Variants in FSIP2 observed in about 807,000 individuals in gnomAD.
FSIP2 encodes the protein fibrous sheath-interacting protein 2.
FSIP2 carries 367 observed loss-of-function variants against 510.5 expected under a neutral mutation model. That is an observed-to-expected ratio of 0.72 (90% confidence interval 0.66 to 0.78). FSIP2 has a LOEUF of 0.78. Among genes scored for constraint, FSIP2 ranks in the 30% least tolerant of loss-of-function variants. FSIP2 has a pLI of 0.00. For missense variants in FSIP2, 7,594 were observed against 7,901.7 expected (o/e 0.96, Z 1.48); for synonymous variants, 2,601 against 2,732.2 (o/e 0.95, Z 1.50).
At chr2:185,755,945 T>G (rs777856249) in intron 8 of FSIP2, among the ~76,000 whole-genome samples, 1 of 151,506 alleles carries the variant, frequency 6.6e-6, no homozygotes, top group African/African-American at 2.4e-5. Flanking sequence ...CAGGTGCAGA[T>G]TTCCTTTTCT....
chr2:185,780,769 AATTTATTGTTGGGGATTCAATAAT>A (rs1692833254), intron 13 of FSIP2, among the ~76,000 whole-genome samples: 1 of 152,118 alleles, frequency 6.6e-6, no homozygotes, highest in African/African-American at 2.4e-5. Flanking sequence ...TTTTGACAGA[AATTTATTGTTGGGGATTCAATAAT>A]ATTTGGATAG....
intron 2 of FSIP2, among the ~76,000 whole-genome samples, chr2:185,741,725 T>A (rs1479935288): frequency 1.3e-5 from 2 of 152,218 alleles, no homozygotes; most frequent in Non-Finnish European, 1.5e-5. Flanking sequence ...ATTAGGCTCC[T>A]TGGAAGGAAT....
intron 13 of FSIP2, 25 bp from the exon 14 acceptor site, chr2:185,782,680 G>T (rs1457304360): frequency 1.4e-6 from 2 of 1,412,870 alleles, no homozygotes; most frequent in Admixed American, 3.9e-5. Context: ...TACAAACTAT[G>T]TAATTTTATT....
Position 185,794,718 on chromosome 2 carries a change from A to C in FSIP2, c.7582A>C (p.Lys2528Gln), listed in dbSNP as rs1005070767. The C allele has an allele frequency of 6.5e-7, 1 of 1,534,068 alleles. No individual in the cohort carries two copies. Among genetic ancestry groups the C allele is most frequent in the African/African-American group, 1.4e-5 (1 of 72,894 alleles). The change falls in exon 16 of 23, where the codon AAA becomes CAA. Residue 2528 changes from lysine (K) to glutamine (Q), a missense_variant. Physicochemically the swap from Lys to Gln is moderately conservative, Grantham distance 53 (BLOSUM62 1). Transcript: ENST00000424728. ...SKIKTSDTTQKNSFQSHINSV... is the reference protein window; with the variant it reads ...SKIKTSDTTQQNSFQSHINSV... ...GATTAAAACATCAGACACAACACAG[A>C]AAAACAGTTTTCAATCACATATTAA...
At chr2:185,767,242 G>A (rs1345795988) in intron 13 of FSIP2, among the ~76,000 whole-genome samples, 10 of 148,500 alleles carry the variant, frequency 6.7e-5, no homozygotes, top group South Asian at 4.3e-4. Context: ...TGGGTGCAGC[G>A]CACCAGCATG....
chr2:185,746,817 G>C lies in FSIP2; in HGVS notation c.759+7G>C, dbSNP rs1010980115. On this transcript the variant is annotated splice_region_variant and intron_variant, in intron 6 of 22. Transcript: ENST00000424728. ...TCGTAGAAAAATAGAAGAGGTGAGAGACAACAACTTTAAAATATTAACAGA... is the reference window on the plus strand; with the variant it reads ...TCGTAGAAAAATAGAAGAGGTGAGACACAACAACTTTAAAATATTAACAGA... 6.0e-6 allele frequency: 9 copies of C among 1,492,504 alleles called. No individual in the cohort carries two copies. In the Admixed American group the frequency reaches 7.5e-5, roughly 12 times the overall value. The allele number at this position is 1,492,504 out of a possible 1,614,324, so 92.5% of individuals were successfully genotyped here.
rs928455162 is a variant in FSIP2, at chr2:185,815,618, A to G, written c.20426+147A>G. ...TTCCCTTCAGTGGCACCCTACTGTG[A>G]ATAATTCCAAAGCCACTTCTTGCTA... is the stretch of plus-strand genomic sequence containing the variant. On this transcript the variant is annotated intron_variant, in intron 19 of 22. Coordinates refer to ENST00000424728, the MANE Select transcript of FSIP2 (RefSeq NM_173651.4). The G allele has an allele frequency of 2.7e-5, 13 of 484,886 alleles. No homozygotes were observed. In the East Asian group the frequency reaches 3.9e-4, roughly 14 times the overall value. The allele number at this position is 484,886 out of a possible 1,614,324, so 30.0% of individuals were successfully genotyped here. A position where few individuals can be genotyped will look rare whatever the true frequency, so the allele number is the denominator to read the frequency against.
At position 185,795,977 on chromosome 2, in the gene FSIP2, C is replaced by A. The variant is rs1693263058; in HGVS notation, c.8841C>A (p.Asn2947Lys). ...CAGATAGTGAAGAAACTCTATCAAA[C>A]AGTAAAGAACACATTACTGCTAAAA... The part of the protein sequence containing the change: ...PTPDSEETLS[N>K]SKEHITAKSK... Residue 2947 changes from asparagine to lysine, a missense_variant, in exon 16 of 23, where the codon AAC becomes AAA. Physicochemically the swap from Asn to Lys is moderately conservative, Grantham distance 94. Coordinates refer to ENST00000424728, the MANE Select transcript of FSIP2 (RefSeq NM_173651.4). 2.0e-6 allele frequency: 3 copies of A among 1,534,708 alleles called. No homozygotes were observed. The East Asian group carries it at 7.4e-5, about 38-fold the overall frequency.
chr2:185,767,715 A>T (rs778741698), intron 13 of FSIP2, among the ~76,000 whole-genome samples: 4 of 152,176 alleles, frequency 2.6e-5, no homozygotes, highest in Non-Finnish European at 5.9e-5. Context: ...TTAGACAGAT[A>T]GATCTATCTC....
intron 20 of FSIP2, among the ~76,000 whole-genome samples, 183 bp from the exon 21 acceptor site, chr2:185,827,973 T>C (rs1455886249): frequency 1.3e-5 from 2 of 151,864 alleles, no homozygotes; most frequent in Non-Finnish European, 2.9e-5. Flanking sequence ...CCCAATATTC[T>C]AGGGCTCTCA....
upstream of FSIP2, among the ~76,000 whole-genome samples, chr2:185,737,338 G>A (rs533119677): frequency 1.0e-3 from 154 of 152,162 alleles, no homozygotes; most frequent in Middle Eastern, 3.2e-3. Flanking sequence ...GAGGGCAGTT[G>A]GGAGTTTAAA....
rs1559026513 is a variant in FSIP2, at chr2:185,791,587, C to A, written c.4451C>A (p.Ser1484Tyr). 4.6e-6 allele frequency: 7 copies of A among 1,534,182 alleles called. No homozygotes were observed. The highest frequency in any genetic ancestry group is 5.2e-6 in the Non-Finnish European group (6 of 1,145,566). Residue 1484 changes from serine to tyrosine, a missense_variant, in exon 16 of 23, where the codon TCT becomes TAT. Transcript: ENST00000424728. ...TTGCAGTCTAATATTCAGTTAATTT[C>A]TAAAGCAATTTTGGATTATATCCTT... ...AALQSNIQLI[S>Y]KAILDYILAK...
chr2:185,795,986 A>C lies in FSIP2; in HGVS notation c.8850A>C (p.Glu2950Asp). Residue 2950 changes from glutamate to aspartate, a missense_variant, in exon 16 of 23, where the codon GAA (glutamate) becomes GAC (aspartate). Physicochemically the swap from Glu to Asp is conservative, Grantham distance 45. Coordinates refer to ENST00000424728, the MANE Select transcript of FSIP2 (RefSeq NM_173651.4). ...DSEETLSNSK[E>D]HITAKSKYGF... Reference sequence around the variant, plus strand: ...AAGAAACTCTATCAAACAGTAAAGAACACATTACTGCTAAAAGTAAATATG... The same window carrying C: ...AAGAAACTCTATCAAACAGTAAAGACCACATTACTGCTAAAAGTAAATATG... The C allele has an allele frequency of 6.5e-7, 1 of 1,534,674 alleles. No homozygotes were observed. The highest frequency in any genetic ancestry group is 8.7e-7 in the Non-Finnish European group (1 of 1,145,908).
chr2:185,754,287 C>T (rs995424274), intron 8 of FSIP2, among the ~76,000 whole-genome samples: 1 of 151,328 alleles, frequency 6.6e-6, no homozygotes, highest in Middle Eastern at 3.2e-3. Context: ...CTTTGTTATG[C>T]CCGGCCTCTA....
rs777783093 is a variant in FSIP2 at position 185,797,451 on chromosome 2, T to A, written c.10315T>A (p.Ser3439Thr). The A allele has an allele frequency of 5.2e-6, 8 of 1,530,340 alleles. No homozygotes were observed. The Admixed American group carries it at 6.0e-5, about 12-fold the overall frequency. 94.8% of individuals were successfully genotyped at this position (1,530,340 alleles called of 1,614,324 possible). Residue 3439 changes from serine to threonine, a missense_variant, in exon 16 of 23, where the codon TCC (serine) becomes ACC (threonine). Transcript: ENST00000424728. Reference protein sequence around the residue: ...AFTFADHEMGSNEVHLIARHV... With the variant: ...AFTFADHEMGTNEVHLIARHV... ...TACTTTTGCTGATCATGAAATGGGT[T>A]CCAATGAAGTTCATCTGATAGCAAG...
chr2:185,821,332 G>A (rs1207939110), intron 19 of FSIP2, among the ~76,000 whole-genome samples: 1 of 151,782 alleles, frequency 6.6e-6, no homozygotes, highest in African/African-American at 2.4e-5. Context: ...AAAAGCTTAT[G>A]ACCAGATACT....
rs776332053 is a variant in FSIP2, at chr2:185,799,857, C to T, written c.10551C>T (p.Gly3517=). Residue 3517 remains glycine, a synonymous_variant, in exon 17 of 23, where the codon GGC becomes GGT. Coordinates refer to ENST00000424728, the MANE Select transcript of FSIP2 (RefSeq NM_173651.4). The part of the protein sequence containing the change: ...LYHLTSSISD[G]TKKGREKEKA... ...ATTTAACTTCGAGCATTTCTGATGG[C>T]ACCAAAAAGGGTAGAGAAAAAGAGA... 8 of 1,532,720 alleles carry T rather than the reference C, an allele frequency of 5.2e-6. No individual in the cohort carries two copies. 94.9% of individuals were successfully genotyped at this position (1,532,720 alleles called of 1,614,324 possible).
At chr2:185,779,712 C>A (rs1692802228) in intron 13 of FSIP2, among the ~76,000 whole-genome samples, 1 of 151,892 alleles carries the variant, frequency 6.6e-6, no homozygotes, top group Non-Finnish European at 1.5e-5. Flanking sequence ...ATTTGCCCAC[C>A]TGTTTACCAG....
chr2:185,757,716 G>A (rs1361971212), intron 9 of FSIP2, among the ~76,000 whole-genome samples: 1 of 151,262 alleles, frequency 6.6e-6, no homozygotes, highest in Non-Finnish European at 1.5e-5. Flanking sequence ...AGCAGAGTTT[G>A]AAGTCAATTT....
Sources: allele counts gnomAD v4.1 joint callset (sites outside exome capture counted in the v4.1 genomes callset), GRCh38; gene constraint gnomAD v4.1.1; transcripts MANE v1.5; gene names NCBI Gene and HGNC (gene_info 2026-07-23, HGNC 2026-07-21).